Variants in EPS8 observed in about 807,000 individuals in gnomAD.
The protein encoded by EPS8 is EGFR pathway substrate 8, signaling adaptor, also known as epidermal growth factor receptor kinase substrate 8.
EPS8 carries 42 observed loss-of-function variants against 103.8 expected under a neutral mutation model. The ratio of observed to expected loss-of-function variants is 0.40; its 90% CI spans 0.32 to 0.52. The LOEUF (loss-of-function observed/expected upper bound fraction) is 0.52, where lower values mean the gene tolerates loss of function less well. EPS8 is among the 20% of genes least tolerant of loss of function. EPS8 has a pLI of 0.40. For missense variants in EPS8, 969 were observed against 1,005.1 expected (o/e 0.96, Z 0.49); for synonymous variants, 344 against 344.6 (o/e 1.00, Z 0.02).
chr12:15,726,624 T>C (rs1946655982), intron 1 of EPS8, among the ~76,000 whole-genome samples: 1 of 152,128 alleles, frequency 6.6e-6, no homozygotes, highest in African/African-American at 2.4e-5. Context: ...GCCAGAGATA[T>C]TAGTGATATA....
intron 14 of EPS8, among the ~76,000 whole-genome samples, chr12:15,650,175 T>C (rs1945387647): frequency 6.6e-6 from 1 of 152,104 alleles, no homozygotes; most frequent in Non-Finnish European, 1.5e-5. Context: ...AAAGATAAAA[T>C]GAATGTTAAG....
At chr12:15,624,624 G>C (rs973992037) in intron 18 of EPS8, among the ~76,000 whole-genome samples, 4 of 151,988 alleles carry the variant, frequency 2.6e-5, no homozygotes, top group African/African-American at 9.7e-5. Flanking sequence ...GTACTCCTTT[G>C]GCAAAACCCC....
At chr12:15,660,769 T>TAAAAC (rs1426223595) in intron 9 of EPS8, 29 bp from the exon 10 acceptor site, 1 of 1,359,042 alleles carries the variant, frequency 7.4e-7, no homozygotes, top group Non-Finnish European at 1.0e-6. Context: ...GAATAAAATA[T>TAAAAC]AAAACAAAAC....
intron 3 of EPS8, among the ~76,000 whole-genome samples, chr12:15,680,700 T>G (rs1237461363): frequency 6.6e-6 from 1 of 152,194 alleles, no homozygotes; most frequent in Non-Finnish European, 1.5e-5. Flanking sequence ...TACTTATGAC[T>G]TCTATTTTGT....
intron 19 of EPS8, among the ~76,000 whole-genome samples, chr12:15,623,751 C>G (rs747624652): frequency 2.6e-5 from 4 of 152,042 alleles, no homozygotes; most frequent in Non-Finnish European, 5.9e-5. Flanking sequence ...ATAAATAGAA[C>G]CTTTACTATG....
intron 16 of EPS8, 151 bp downstream of exon 16, chr12:15,641,571 C>T (rs1223652864): frequency 4.8e-6 from 2 of 412,486 alleles, no homozygotes; most frequent in East Asian, 3.8e-5. Flanking sequence ...GAAGGAGTAT[C>T]TATATACCCC....
rs1946224800 is a variant in EPS8, at chr12:15,695,047, ATTAAGAGGT to A, written c.-21-12084_-21-12076del. Among the ~76,000 whole-genome samples the A allele has an allele frequency of 6.6e-6, 1 of 152,182 alleles. No homozygotes were observed. The highest frequency in any genetic ancestry group is 2.4e-5 in the African/African-American group (1 of 41,448). On this transcript the variant is annotated intron_variant, in intron 1 of 20. Transcript: ENST00000281172. The surrounding 1 kb of genome is among the most constrained non-coding windows in gnomAD (Gnocchi z 5.0). ...CTTTACATGCATTATCTTACTTCTTATTAAGAGGTAAAAAGAACTTCTTATTCTCATTTT... is the reference window on the plus strand; with the variant it reads ...CTTTACATGCATTATCTTACTTCTTAAAAAAGAACTTCTTATTCTCATTTT...
At chr12:15,646,490 C>G (rs1945321633) in intron 15 of EPS8, among the ~76,000 whole-genome samples, 1 of 151,134 alleles carries the variant, frequency 6.6e-6, no homozygotes, top group African/African-American at 2.4e-5. Flanking sequence ...ATCTCATTTA[C>G]TAAAAACAAG....
intron 8 of EPS8, chr12:15,662,612 T>C: frequency 1.0e-6 from 1 of 985,470 alleles, no homozygotes; most frequent in Non-Finnish European, 1.2e-6. Context: ...GTTGGGCTCA[T>C]TAATTTTAAG....
In EPS8 at chr12:15,645,830, C is replaced by T. The variant is rs1945310488; in HGVS notation, c.1568+1297G>A. ...GCTAAATGTGGTCTTCAAATGGAAC[C>T]TGATAAAAGTTTTCTAGTGTCAATA... On this transcript the variant is annotated intron_variant, in intron 15 of 20. Transcript: ENST00000281172. Among the ~76,000 whole-genome samples the T allele has an allele frequency of 2.6e-5, 4 of 152,206 alleles. No individual in the cohort carries two copies. In the South Asian group the frequency reaches 8.3e-4, roughly 32 times the overall value.
intron 18 of EPS8, among the ~76,000 whole-genome samples, chr12:15,630,392 T>A (rs1216279629): frequency 6.6e-6 from 1 of 152,200 alleles, no homozygotes; most frequent in Non-Finnish European, 1.5e-5. Flanking sequence ...TGCCATATAC[T>A]ACAAGGTTAA....
At position 15,777,271 on chromosome 12, in the gene EPS8, G is replaced by T. The variant is rs1364827716; in HGVS notation, c.-22+11890C>A. Among the ~76,000 whole-genome samples, 2 of 149,910 alleles carry T rather than the reference G, an allele frequency of 1.3e-5. No individual in the cohort carries two copies. Among genetic ancestry groups the T allele is most frequent in the Admixed American group, 6.7e-5 (1 of 15,022 alleles). ...ATAAGGGGTACTTACAAAGCAGAAT[G>T]AAAAAAAACACACACACACACACAA... On this transcript the variant is annotated intron_variant, in intron 1 of 20. Transcript: ENST00000281172. The surrounding 1 kb of genome is among the most constrained non-coding windows in gnomAD (Gnocchi z 4.7).
Position 15,772,151 on chromosome 12 carries a change from A to C in EPS8, c.-22+17010T>G, listed in dbSNP as rs1204032153. Reference sequence around the variant, plus strand: ...TCAAAAAGATTTAATGACTGTTGACATATAGGTGGGGCAGAAAGGTGGGTA... The same window carrying C: ...TCAAAAAGATTTAATGACTGTTGACCTATAGGTGGGGCAGAAAGGTGGGTA... On this transcript the variant is annotated intron_variant, in intron 1 of 20. Coordinates refer to ENST00000281172, the MANE Select transcript of EPS8 (RefSeq NM_004447.6). The surrounding 1 kb of genome is among the most constrained non-coding windows in gnomAD (Gnocchi z 5.0). Among the ~76,000 whole-genome samples the C allele has an allele frequency of 6.6e-6, 1 of 152,088 alleles. No homozygotes were observed.
chr12:15,687,625 TAGAA>T (rs1309769164), intron 1 of EPS8, among the ~76,000 whole-genome samples: 1 of 152,188 alleles, frequency 6.6e-6, no homozygotes, highest in African/African-American at 2.4e-5. Context: ...TATGCAACTT[TAGAA>T]AGAACTACTT....
chr12:15,683,008 A>T (rs1946036332), intron 1 of EPS8, 36 bp from the exon 2 acceptor site: 4 of 1,166,134 alleles, frequency 3.4e-6, no homozygotes, highest in Non-Finnish European at 4.9e-6. Flanking sequence ...AAAGGCAATA[A>T]AAAGGTCAAG....
In EPS8 at chr12:15,713,741, T is replaced by C. The variant is rs964463904; in HGVS notation, c.-21-30769A>G. Reference sequence around the variant, plus strand: ...AACCAGGGCTGTCTTCAAAGGTCTATCCTCATAGTTAAAAAATGGTGTCGG... The same window carrying C: ...AACCAGGGCTGTCTTCAAAGGTCTACCCTCATAGTTAAAAAATGGTGTCGG... On this transcript the variant is annotated intron_variant, in intron 1 of 20. Transcript: ENST00000281172. This position sits in a 1 kb window ranked among gnomAD's most constrained non-coding sequence, Gnocchi z 4.8. Among the ~76,000 whole-genome samples, 1 of 152,224 alleles carries C rather than the reference T, an allele frequency of 6.6e-6. No individual in the cohort carries two copies. Among genetic ancestry groups the C allele is most frequent in the African/African-American group, 2.4e-5 (1 of 41,454 alleles).
chr12:15,705,425 A>G (rs750282183), intron 1 of EPS8, among the ~76,000 whole-genome samples: 7 of 152,234 alleles, frequency 4.6e-5, no homozygotes, highest in Non-Finnish European at 1.0e-4. Context: ...TAATATGCAT[A>G]TAAGTTTGGG....
intron 3 of EPS8, among the ~76,000 whole-genome samples, chr12:15,680,839 G>C (rs1945992172): frequency 6.6e-6 from 1 of 152,034 alleles, no homozygotes; most frequent in African/African-American, 2.4e-5. Context: ...TAGACATACT[G>C]TAATAATACC....
intron 1 of EPS8, among the ~76,000 whole-genome samples, chr12:15,740,185 A>T (rs1032632063): frequency 2.6e-4 from 39 of 152,194 alleles, no homozygotes; most frequent in African/African-American, 9.4e-4. Context: ...CTCTATTAAT[A>T]ACTAAAATCT....
Sources: gnomAD v4.1 joint callset for allele counts (sites outside exome capture counted in the v4.1 genomes callset) on GRCh38, gnomAD v4.1.1 for gene constraint, Gnocchi (gnomAD v3.1) non-coding constraint, MANE v1.5 for transcripts, NCBI Gene and HGNC (gene_info 2026-07-23, HGNC 2026-07-21) for gene names.